Variants in ZNF592 observed in about 807,000 individuals in gnomAD.
ZNF592 encodes the protein zinc finger protein 592.
ZNF592 carries 11 observed loss-of-function variants against 80.3 expected under a neutral mutation model. That is an observed-to-expected ratio of 0.14 (90% confidence interval 0.09 to 0.23). The LOEUF (loss-of-function observed/expected upper bound fraction) is 0.23, where lower values mean the gene tolerates loss of function less well. ZNF592 is among the 10% of genes least tolerant of loss of function. The pLI, the probability that ZNF592 is intolerant of heterozygous loss-of-function variation, is 1.00. For missense variants in ZNF592, 1,420 were observed against 1,633.9 expected, an observed-to-expected ratio of 0.87 and a Z score of 2.26; for synonymous variants, 646 against 640.3, an observed-to-expected ratio of 1.01 and a Z score of -0.13.
intron 1 of ZNF592, among the ~76,000 whole-genome samples, chr15:84,755,693 G>A (rs1437591230): frequency 2.0e-5 from 3 of 152,076 alleles, no homozygotes; most frequent in Non-Finnish European, 2.9e-5. Context: ...AAACAAACAA[G>A]CATCCTATAA....
chr15:84,785,937 G>C (rs1195991267), intron 4 of ZNF592, among the ~76,000 whole-genome samples: 2 of 151,950 alleles, frequency 1.3e-5, no homozygotes, highest in African/African-American at 4.8e-5. Flanking sequence ...ATGTGTTAGT[G>C]GTTTCTCTGA....
chr15:84,785,335 G>A lies in ZNF592; in HGVS notation c.2220+440G>A, dbSNP rs547396522. Among the ~76,000 whole-genome samples, 7 of 151,082 alleles carry A rather than the reference G, an allele frequency of 4.6e-5. No individual in the cohort carries two copies. The East Asian group carries it at 7.8e-4, about 17-fold the overall frequency. ...GTCTTTTTTTTTTTTTTCTTGAGACGGAGTCTCACTCTGTCACCCAGGCTG... is the reference window on the plus strand; with the variant it reads ...GTCTTTTTTTTTTTTTTCTTGAGACAGAGTCTCACTCTGTCACCCAGGCTG... On this transcript the variant is annotated intron_variant, in intron 4 of 10. Coordinates refer to ENST00000560079, the MANE Select transcript of ZNF592 (RefSeq NM_014630.3).
At chr15:84,758,039 C>G (rs74651518) in intron 1 of ZNF592, among the ~76,000 whole-genome samples, 2,136 of 150,824 alleles carry the variant, frequency 0.014, 52 homozygotes, top group African/African-American at 0.048. Flanking sequence ...GTGGCAAGAT[C>G]TCGGCTCACT....
chr15:84,757,706 TAG>T (rs1362377751), intron 1 of ZNF592, among the ~76,000 whole-genome samples: 1 of 151,260 alleles, frequency 6.6e-6, no homozygotes, highest in Non-Finnish European at 1.5e-5. Flanking sequence ...TCCCCCAGGC[TAG>T]AGTGCAGTGG....
chr15:84,751,707 C>T (rs1303944252), intron 1 of ZNF592, among the ~76,000 whole-genome samples: 1 of 151,562 alleles, frequency 6.6e-6, no homozygotes, highest in African/African-American at 2.4e-5. Flanking sequence ...GAGTTCGAGG[C>T]CATCCTGGCC....
At chr15:84,766,508 C>T (rs905005287) in intron 2 of ZNF592, among the ~76,000 whole-genome samples, 3 of 151,864 alleles carry the variant, frequency 2.0e-5, no homozygotes, top group African/African-American at 7.3e-5. Context: ...TCTGAGCAGT[C>T]ATGGTGAAAG....
At chr15:84,749,187 C>T (rs1348674681) in intron 1 of ZNF592, among the ~76,000 whole-genome samples, 4 of 152,244 alleles carry the variant, frequency 2.6e-5, no homozygotes, top group East Asian at 3.9e-4. Context: ...GAAGGTTTCT[C>T]CCGGAGCAGA....
intron 2 of ZNF592, among the ~76,000 whole-genome samples, chr15:84,770,170 A>T (rs995738403): frequency 1.3e-5 from 2 of 152,236 alleles, no homozygotes; most frequent in African/African-American, 2.4e-5. Flanking sequence ...TTTAGGCCTA[A>T]GCAGCTGGAA....
chr15:84,754,726 G>A lies in ZNF592; in HGVS notation c.-259+6062G>A, dbSNP rs948136989. Among the ~76,000 whole-genome samples the A allele has an allele frequency of 2.6e-5, 4 of 151,586 alleles. No individual in the cohort carries two copies. In the East Asian group the frequency reaches 5.8e-4, roughly 22 times the overall value. On this transcript the variant is annotated intron_variant, in intron 1 of 10. Coordinates refer to ENST00000560079, the MANE Select transcript of ZNF592 (RefSeq NM_014630.3). ...TCTTAAAAAAAAAAAAAAAAAGAGA[G>A]GTAATGGTGGCTCCCTTTCTCTCAT...
chr15:84,780,247 A>C (rs1472854267), intron 3 of ZNF592, among the ~76,000 whole-genome samples: 1 of 152,164 alleles, frequency 6.6e-6, no homozygotes, highest in Non-Finnish European at 1.5e-5. Flanking sequence ...TCAGCCTCCC[A>C]AAGTGCTGGG....
At chr15:84,764,525 G>A (rs1238583876) in intron 1 of ZNF592, among the ~76,000 whole-genome samples, 182 bp from the exon 2 acceptor site, 1 of 152,184 alleles carries the variant, frequency 6.6e-6, no homozygotes, top group African/African-American at 2.4e-5. Flanking sequence ...CAGACGTGGA[G>A]CTGGGAAAAG....
Position 84,784,835 on chromosome 15 carries a change from G to A in ZNF592, c.2160G>A (p.Met720Ile). Residue 720 changes from methionine to isoleucine, a missense_variant, in exon 4 of 11, where the codon ATG becomes ATA. Met to Ile is a conservative substitution (Grantham distance 10). Around this residue, in one of 7 missense-constraint regions of ZNF592, gnomAD observed 524 missense variants for 628.3 expected, o/e 0.83. Coordinates refer to ENST00000560079, the MANE Select transcript of ZNF592 (RefSeq NM_014630.3). The surrounding 1 kb of genome is among the most constrained non-coding windows in gnomAD (Gnocchi z 5.8). ...AGTGTCTTGAATGTCACAAGCAGAT[G>A]CGGGACTACATGGTCCTGGCTGCAC... The part of the protein sequence containing the change: ...SIKCLECHKQ[M>I]RDYMVLAAHF... The A allele has an allele frequency of 1.9e-6, 3 of 1,614,130 alleles. No individual in the cohort carries two copies. The highest frequency in any genetic ancestry group is 2.5e-6 in the Non-Finnish European group (3 of 1,180,038).
At chr15:84,760,865 G>T (rs1233206271) in intron 1 of ZNF592, among the ~76,000 whole-genome samples, 1 of 152,196 alleles carries the variant, frequency 6.6e-6, no homozygotes, top group Non-Finnish European at 1.5e-5. Context: ...GTGAGGGGCA[G>T]CTGCTGAAAA....
chr15:84,783,393 G>A lies in ZNF592; in HGVS notation c.718G>A (p.Glu240Lys). 1 of 1,614,238 alleles carries A rather than the reference G, an allele frequency of 6.2e-7. No homozygotes were observed. The highest frequency in any genetic ancestry group is 1.3e-5 in the African/African-American group (1 of 75,062). Residue 240 changes from glutamate (E) to lysine (K), a missense_variant, in exon 4 of 11, where the codon GAA becomes AAA. By Grantham distance (56) the Glu-to-Lys change is moderately conservative. This residue lies in a region of ZNF592 where 373 missense variants were observed against 355.5 expected (regional missense o/e 1.05). Transcript: ENST00000560079. This position sits in a 1 kb window ranked among gnomAD's most constrained non-coding sequence, Gnocchi z 5.0. ...TCCGGATGCCACTCGATTCTTCGGG[G>A]AAGCTTTGGAGTTCAACAGCCATCC... is the stretch of plus-strand genomic sequence containing the variant. ...KDPDATRFFG[E>K]ALEFNSHPSN...
chr15:84,781,419 T>TA (rs1374873136), intron 3 of ZNF592, among the ~76,000 whole-genome samples: 1 of 152,072 alleles, frequency 6.6e-6, no homozygotes, highest in Non-Finnish European at 1.5e-5. Context: ...CTTAGACATT[T>TA]AAATTATTTT....
In ZNF592 at chr15:84,799,838, G is replaced by A; in HGVS notation, c.3138-4G>A. 3 of 1,614,026 alleles carry A rather than the reference G, an allele frequency of 1.9e-6. No individual in the cohort carries two copies. Among genetic ancestry groups the A allele is most frequent in the Non-Finnish European group, 2.5e-6 (3 of 1,180,028 alleles). On this transcript the variant is annotated splice_region_variant and splice_polypyrimidine_tract_variant and intron_variant, in intron 9 of 10. Transcript: ENST00000560079. This position sits in a 1 kb window ranked among gnomAD's most constrained non-coding sequence, Gnocchi z 4.2. ...TACCTGACCTCTCCGCTGTGCTTCT[G>A]CAGGTACTGCACAGAGGACAGCCCC...
At position 84,805,337 on chromosome 15, in the gene ZNF592, G is replaced by T. The variant is rs912056951; in HGVS notation, c.*2944G>T. The T allele has an allele frequency of 6.6e-6, 1 of 152,140 alleles. No individual in the cohort carries two copies. Among genetic ancestry groups the T allele is most frequent in the Non-Finnish European group, 1.5e-5 (1 of 68,032 alleles). 9.4% of individuals were successfully genotyped at this position (152,140 alleles called of 1,614,324 possible). A position where few individuals can be genotyped will look rare whatever the true frequency, so the allele number is the denominator to read the frequency against. On this transcript the variant is annotated 3_prime_UTR_variant, in exon 11 of 11. Coordinates refer to ENST00000560079, the MANE Select transcript of ZNF592 (RefSeq NM_014630.3). ...CATCTTCTGGTCTTTTCTTTTTCAAGATTTTTTTAAATGGTTGTGCTATCA... is the reference window on the plus strand; with the variant it reads ...CATCTTCTGGTCTTTTCTTTTTCAATATTTTTTTAAATGGTTGTGCTATCA...
chr15:84,798,222 C>G lies in ZNF592; in HGVS notation c.2577-93C>G. 1 of 1,599,690 alleles carries G rather than the reference C, an allele frequency of 6.3e-7. No individual in the cohort carries two copies. Among genetic ancestry groups the G allele is most frequent in the Middle Eastern group, 2.0e-4 (1 of 4,938 alleles). ...CCACATTGGCTCAGGGTAGTGCTTT[C>G]CCAAACTTGACCCTGGTTCAGAGAG... On this transcript the variant is annotated intron_variant, in intron 6 of 10. Transcript: ENST00000560079. The surrounding 1 kb of genome is among the most constrained non-coding windows in gnomAD (Gnocchi z 4.5).
Position 84,790,869 on chromosome 15 carries a change from C to T in ZNF592, c.2385C>T (p.Arg795=). The change falls in exon 5 of 11, where the codon CGC becomes CGT. Residue 795 remains arginine, a synonymous_variant. Transcript: ENST00000560079. ...HVKENCLHYA[R]KVGYRCIHCG... ...AGGAGAATTGCCTGCACTATGCCCGCAAGGTGGGCTACAGGTGGGTGCTGC... is the reference window on the plus strand; with the variant it reads ...AGGAGAATTGCCTGCACTATGCCCGTAAGGTGGGCTACAGGTGGGTGCTGC... 2 of 1,614,250 alleles carry T rather than the reference C, an allele frequency of 1.2e-6. No homozygotes were observed. The highest frequency in any genetic ancestry group is 1.7e-6 in the Non-Finnish European group (2 of 1,180,048).
Sources: gnomAD v4.1 joint callset for allele counts (sites outside exome capture counted in the v4.1 genomes callset) on GRCh38, gnomAD v4.1.1 for gene constraint, gnomAD v4.1.1 regional missense constraint, Gnocchi (gnomAD v3.1) non-coding constraint, MANE v1.5 for transcripts, NCBI Gene and HGNC (gene_info 2026-07-23, HGNC 2026-07-21) for gene names.